The following ZC4H2 variants were observed in gnomAD, a reference collection of about 807,000 sequenced individuals.
ZC4H2 encodes the protein zinc finger C4H2 domain-containing protein.
For synonymous variants in ZC4H2, 84 were observed against 66.3 expected, an observed-to-expected ratio of 1.27 and a Z score of -1.30; for missense variants, 137 against 173.9, an observed-to-expected ratio of 0.79 and a Z score of 1.19.
chrX:64,925,192 G>T (rs983051425), intron 1 of ZC4H2, among the ~76,000 whole-genome samples: 1 of 111,529 alleles, frequency 9.0e-6, no homozygotes, highest in African/African-American at 3.3e-5. Context: ...AGCAAATAGG[G>T]TTTGTGTGTG....
chrX:64,949,161 T>C (rs970006529), intron 1 of ZC4H2, among the ~76,000 whole-genome samples: 2 of 111,832 alleles, frequency 1.8e-5, no homozygotes, highest in Admixed American at 9.6e-5. Flanking sequence ...TTAACATTCA[T>C]GGTACACTAA....
At chrX:65,002,898 G>C (rs1411100578) in intron 1 of ZC4H2, among the ~76,000 whole-genome samples, 1 of 109,029 alleles carries the variant, frequency 9.2e-6, no homozygotes, top group Non-Finnish European at 1.9e-5. Context: ...CTAATCTCAA[G>C]TACCCAAGGA....
At chrX:64,984,568 C>A (rs781502451) in intron 1 of ZC4H2, among the ~76,000 whole-genome samples, 23 of 111,447 alleles carry the variant, frequency 2.1e-4, no homozygotes, top group African/African-American at 7.5e-4. Flanking sequence ...GGTGGCCCAG[C>A]TGGTCCATCA....
At chrX:64,980,802 C>A (rs1433892356), upstream of ZC4H2, among the ~76,000 whole-genome samples, 3 of 110,617 alleles carry the variant, frequency 2.7e-5, no homozygotes, top group Non-Finnish European at 5.7e-5. Context: ...ATTAGTTACC[C>A]AAGATCCCAG....
At chrX:64,945,506 G>A (rs1032022709) in intron 1 of ZC4H2, among the ~76,000 whole-genome samples, 2 of 111,378 alleles carry the variant, frequency 1.8e-5, no homozygotes, top group African/African-American at 6.5e-5. Flanking sequence ...TCCTGTATGC[G>A]GTGTCTGTTG....
intron 1 of ZC4H2, among the ~76,000 whole-genome samples, chrX:64,952,360 G>A (rs1213054733): frequency 9.2e-6 from 1 of 109,193 alleles, no homozygotes; most frequent in Non-Finnish European, 1.9e-5. Flanking sequence ...AGCTTGATGG[G>A]GATGGCATTG....
chrX:64,929,406 T>C (rs1602389478), intron 1 of ZC4H2, among the ~76,000 whole-genome samples: 1 of 111,862 alleles, frequency 8.9e-6, no homozygotes, highest in Non-Finnish European at 1.9e-5. Context: ...TTTAGTTGCG[T>C]TTGATTTTGG....
rs778876504 is a variant in ZC4H2 at position 64,921,806 on chromosome X, C to T, written c.225+11G>A. 8.3e-7 allele frequency: 1 copy of T among 1,205,318 alleles called. No individual in the cohort carries two copies. Among genetic ancestry groups the T allele is most frequent in the Admixed American group, 2.2e-5 (1 of 45,237 alleles). ...AAAGGCTTTAGAGATAGGCTCCAGG[C>T]AGCCACGTACCACATTGATGTCAGC... On this transcript the variant is annotated intron_variant, in intron 2 of 4. Coordinates refer to ENST00000374839, the MANE Select transcript of ZC4H2 (RefSeq NM_018684.4).
chrX:64,950,231 G>A (rs760751951), intron 1 of ZC4H2, among the ~76,000 whole-genome samples: 57 of 111,720 alleles, frequency 5.1e-4, no homozygotes, highest in African/African-American at 1.7e-3. Context: ...TATAATTTCT[G>A]TTCTTTTACA....
In ZC4H2 at chrX:64,961,396, CAT is replaced by C. The variant is rs1225539527; in HGVS notation, c.53+14927_53+14928del. Among the ~76,000 whole-genome samples, 3 of 111,330 alleles carry C rather than the reference CAT, an allele frequency of 2.7e-5. No homozygotes were observed. The Admixed American group carries it at 2.9e-4, about 11-fold the overall frequency. ...AACTAAGAAATTTTTTGATCTTAGACATAATAGTTTTCATCTATAGACTTTTT... is the reference window on the plus strand; with the variant it reads ...AACTAAGAAATTTTTTGATCTTAGACAATAGTTTTCATCTATAGACTTTTT... On this transcript the variant is annotated intron_variant, in intron 1 of 4. Coordinates refer to ENST00000374839, the MANE Select transcript of ZC4H2 (RefSeq NM_018684.4).
intron 1 of ZC4H2, among the ~76,000 whole-genome samples, chrX:64,937,613 C>T (rs1930075602): frequency 8.9e-6 from 1 of 111,886 alleles, no homozygotes; most frequent in African/African-American, 3.3e-5. Context: ...TAAATTAGAA[C>T]TCAGAATTAA....
At chrX:64,931,015 A>T (rs1468710652) in intron 1 of ZC4H2, among the ~76,000 whole-genome samples, 1 of 111,258 alleles carries the variant, frequency 9.0e-6, no homozygotes, top group Non-Finnish European at 1.9e-5. Context: ...GGCAATTTTA[A>T]AATTACAGTT....
In ZC4H2 at chrX:64,937,646, A is replaced by G. The variant is rs1432923063; in HGVS notation, c.54-15658T>C. On this transcript the variant is annotated intron_variant, in intron 1 of 4. Coordinates refer to ENST00000374839, the MANE Select transcript of ZC4H2 (RefSeq NM_018684.4). ...TAAGAAATTCACTCAAAACCACACA[A>G]CTACATGCAAACTGAACAATCTGCT... Among the ~76,000 whole-genome samples, 3 of 111,942 alleles carry G rather than the reference A, an allele frequency of 2.7e-5. No homozygotes were observed. In the Admixed American group the frequency reaches 2.9e-4, roughly 11 times the overall value.
chrX:65,011,614 T>C (rs1410174300), intron 1 of ZC4H2, among the ~76,000 whole-genome samples: 2 of 111,526 alleles, frequency 1.8e-5, no homozygotes, highest in Admixed American at 9.5e-5. Flanking sequence ...CAACAAATAT[T>C]TTGTGGAAGT....
At chrX:64,979,879 A>G (rs1300026610), upstream of ZC4H2, among the ~76,000 whole-genome samples, 1 of 111,816 alleles carries the variant, frequency 8.9e-6, no homozygotes, top group African/African-American at 3.3e-5. Context: ...AAGGCAGGGT[A>G]TGTTGGGGTT....
intron 1 of ZC4H2, among the ~76,000 whole-genome samples, chrX:64,961,614 A>T (rs901816082): frequency 2.8e-5 from 3 of 108,721 alleles, no homozygotes; most frequent in Non-Finnish European, 3.9e-5. Flanking sequence ...AAAGAATCAA[A>T]TTTTTTTAAT....
In ZC4H2 at chrX:65,000,943, A is replaced by G. The variant is rs748760759; in HGVS notation, c.-272+33686T>C. ...AAGAAATATGGGGCTATGTGAAAAG[A>G]CCAAACTTATATTTGATTGGTGTAC... On this transcript the variant is annotated intron_variant, in intron 1 of 4. Coordinates refer to the ZC4H2 transcript ENST00000337990. Among the ~76,000 whole-genome samples, 3 of 111,796 alleles carry G rather than the reference A, an allele frequency of 2.7e-5. 1 individual carries two copies. In the South Asian group the frequency reaches 1.2e-3, roughly 43 times the overall value.
intron 1 of ZC4H2, among the ~76,000 whole-genome samples, chrX:64,951,726 A>G (rs1340993009): frequency 9.0e-6 from 1 of 110,570 alleles, no homozygotes; most frequent in Non-Finnish European, 1.9e-5. Context: ...GTAGGTTGCA[A>G]AAATTTTCTC....
Position 64,917,573 on chromosome X carries a change from C to A in ZC4H2, c.*210G>T. The stretch of plus-strand genomic sequence containing the variant: ...GGGAGAGAAGGGATCATCAGACACA[C>A]TGTTTAGCACCTGAACCACATCTCT... On this transcript the variant is annotated 3_prime_UTR_variant, in exon 5 of 5. Coordinates refer to ENST00000374839, the MANE Select transcript of ZC4H2 (RefSeq NM_018684.4). 2.2e-6 allele frequency: 1 copy of A among 458,995 alleles called. No individual in the cohort carries two copies. The highest frequency in any genetic ancestry group is 3.5e-6 in the Non-Finnish European group (1 of 286,808). 37.8% of individuals were successfully genotyped at this position (458,995 alleles called of 1,213,427 possible).
Sources: allele counts gnomAD v4.1 joint callset (sites outside exome capture counted in the v4.1 genomes callset), GRCh38; gene constraint gnomAD v4.1.1; transcripts MANE v1.5; gene names NCBI Gene and HGNC (gene_info 2026-07-23, HGNC 2026-07-21).